The following RPS6KA2 variants were observed in gnomAD, a reference collection of about 807,000 sequenced individuals.
RPS6KA2 encodes ribosomal protein S6 kinase A2.
In RPS6KA2, 42 loss-of-function variants were observed where a neutral mutation model predicts 91.8. That is an observed-to-expected ratio of 0.46 (90% CI 0.36 to 0.59). The LOEUF (loss-of-function observed/expected upper bound fraction) is 0.59, where lower values mean the gene tolerates loss of function less well. Ranked by LOEUF, RPS6KA2 falls within the 20% of genes least tolerant of loss-of-function variation. RPS6KA2 has a pLI of 0.00. For synonymous variants in RPS6KA2, 414 were observed against 393.6 expected, an observed-to-expected ratio of 1.05 and a Z score of -0.61; for missense variants, 798 against 978.5, an observed-to-expected ratio of 0.82 and a Z score of 2.46.
chr6:166,754,896 C>T (rs1000383596), intron 2 of RPS6KA2, among the ~76,000 whole-genome samples: 7 of 152,248 alleles, frequency 4.6e-5, no homozygotes, highest in African/African-American at 1.4e-4. Flanking sequence ...CCTGCCCTGT[C>T]GCTCACTCGT....
At chr6:166,444,342 A>G (rs1173541000) in intron 14 of RPS6KA2, among the ~76,000 whole-genome samples, 2 of 152,164 alleles carry the variant, frequency 1.3e-5, no homozygotes, top group African/African-American at 4.8e-5. Context: ...CCGTCATGCT[A>G]TTTTGAAGCC....
intron 10 of RPS6KA2, among the ~76,000 whole-genome samples, chr6:166,485,626 G>A (rs1280577561): frequency 6.6e-6 from 1 of 152,176 alleles, no homozygotes; most frequent in African/African-American, 2.4e-5. Flanking sequence ...CATTGGCTTA[G>A]CTGAGACACG....
At chr6:166,811,941 G>A (rs1409273555) in intron 2 of RPS6KA2, among the ~76,000 whole-genome samples, 5 of 152,188 alleles carry the variant, frequency 3.3e-5, no homozygotes, top group Non-Finnish European at 7.3e-5. Context: ...TCAGTGCCTC[G>A]TCAAGATGTT....
intron 8 of RPS6KA2, among the ~76,000 whole-genome samples, chr6:166,497,961 G>A (rs570182621): frequency 1.3e-5 from 2 of 151,322 alleles, no homozygotes; most frequent in Admixed American, 6.6e-5. Flanking sequence ...GCCCAGCTGG[G>A]AGAGTGGGAT....
intron 2 of RPS6KA2, among the ~76,000 whole-genome samples, chr6:166,855,046 C>T (rs1369335191): frequency 2.6e-5 from 4 of 152,162 alleles, no homozygotes; most frequent in Admixed American, 6.5e-5. Context: ...TTAGCAGCAA[C>T]GTGGTTGGAA....
At chr6:166,736,693 TGGCCGA>T (rs1349124993) in intron 2 of RPS6KA2, among the ~76,000 whole-genome samples, 1 of 152,180 alleles carries the variant, frequency 6.6e-6, no homozygotes, top group Non-Finnish European at 1.5e-5. Context: ...TCCATGAGGC[TGGCCGA>T]GGGTCGCCAC....
intron 2 of RPS6KA2, among the ~76,000 whole-genome samples, chr6:166,707,098 G>A (rs1419012735): frequency 6.6e-6 from 1 of 152,252 alleles, no homozygotes; most frequent in African/African-American, 2.4e-5. Flanking sequence ...GAGAGTAAAG[G>A]CTGATCAGAG....
Position 166,495,953 on chromosome 6 carries a change from CCCTCGT to C in RPS6KA2, c.747+2549_747+2554del, listed in dbSNP as rs1562533698. On this transcript the variant is annotated intron_variant, in intron 8 of 20. Coordinates refer to ENST00000265678, the MANE Select transcript of RPS6KA2 (RefSeq NM_021135.6). The surrounding 1 kb of genome is among the most constrained non-coding windows in gnomAD (Gnocchi z 4.4). ...TGGTCTCATTTCCTCTTCTTCTGGC[CCCTCGT>C]CGTGTCTCCATCTTTGGATCATTCC... 6.6e-6 allele frequency among the ~76,000 whole-genome samples: 1 copy of C among 152,170 alleles called. No individual in the cohort carries two copies.
At chr6:166,830,573 TC>T (rs1489163092) in intron 2 of RPS6KA2, among the ~76,000 whole-genome samples, 1 of 152,202 alleles carries the variant, frequency 6.6e-6, no homozygotes, top group African/African-American at 2.4e-5. Context: ...AAAACATCTC[TC>T]CCAATACATG....
At chr6:166,428,036 C>T (rs1778988074) in intron 16 of RPS6KA2, among the ~76,000 whole-genome samples, 1 of 151,766 alleles carries the variant, frequency 6.6e-6, no homozygotes, top group Non-Finnish European at 1.5e-5. Context: ...AGGCATCACA[C>T]TACCTGACTT....
At chr6:166,415,317 T>TTAAATGA (rs1778461752) in intron 19 of RPS6KA2, among the ~76,000 whole-genome samples, 1 of 152,228 alleles carries the variant, frequency 6.6e-6, no homozygotes, top group African/African-American at 2.4e-5. Context: ...AATAACTCTT[T>TTAAATGA]TCACGATCTT....
intron 2 of RPS6KA2, among the ~76,000 whole-genome samples, chr6:166,823,365 G>C (rs1283306159): frequency 1.3e-5 from 2 of 152,066 alleles, no homozygotes; most frequent in Non-Finnish European, 2.9e-5. Flanking sequence ...ACTGGTGAAA[G>C]TCAAAGACCT....
At position 166,409,676 on chromosome 6, in the gene RPS6KA2, G is replaced by C. The variant is rs1486337166; in HGVS notation, c.*3086C>G. ...TCCACACCGCTCAGGGACCGGCAGC[G>C]TCCTTCTCCATTCTCGAATTTGCAT... On this transcript the variant is annotated 3_prime_UTR_variant, in exon 21 of 21. Transcript: ENST00000265678. 1.3e-5 allele frequency: 2 copies of C among 152,514 alleles called. No homozygotes were observed. The highest frequency in any genetic ancestry group is 4.8e-5 in the African/African-American group (2 of 41,448). 9.4% of individuals were successfully genotyped at this position (152,514 alleles called of 1,614,324 possible).
chr6:166,853,260 G>A (rs1035012234), intron 2 of RPS6KA2, among the ~76,000 whole-genome samples: 1 of 152,186 alleles, frequency 6.6e-6, no homozygotes, highest in African/African-American at 2.4e-5. Flanking sequence ...GCAATATAGT[G>A]AGACCCTGTG....
chr6:166,483,586 C>A (rs994391061), intron 10 of RPS6KA2, among the ~76,000 whole-genome samples: 2 of 152,228 alleles, frequency 1.3e-5, no homozygotes, highest in Non-Finnish European at 2.9e-5. Flanking sequence ...AAGAGCAGGG[C>A]CTTTTTTTCC....
chr6:166,474,825 C>T (rs564549661), intron 10 of RPS6KA2, among the ~76,000 whole-genome samples: 1 of 152,144 alleles, frequency 6.6e-6, no homozygotes, highest in Admixed American at 6.5e-5. Flanking sequence ...GAAGCATCAC[C>T]CACAACCGCG....
chr6:166,773,059 C>T (rs1364494922), intron 2 of RPS6KA2, among the ~76,000 whole-genome samples: 4 of 152,166 alleles, frequency 2.6e-5, no homozygotes, highest in African/African-American at 9.7e-5. Context: ...GCCTGCTGTG[C>T]GGGCTCCACG....
At position 166,411,421 on chromosome 6, in the gene RPS6KA2, G is replaced by A. The variant is rs1370229027; in HGVS notation, c.*1341C>T. 6.6e-6 allele frequency: 1 copy of A among 152,096 alleles called. No homozygotes were observed. Among genetic ancestry groups the A allele is most frequent in the Non-Finnish European group, 1.5e-5 (1 of 68,030 alleles). 9.4% of individuals were successfully genotyped at this position (152,096 alleles called of 1,614,324 possible). A position where few individuals can be genotyped will look rare whatever the true frequency, so the allele number is the denominator to read the frequency against. ...CATCTAGTCTGCTTGGGGGCCGCCA[G>A]GGAGCATCTTCAACACCCTTACAGG... On this transcript the variant is annotated 3_prime_UTR_variant, in exon 21 of 21. Transcript: ENST00000265678. The surrounding 1 kb of genome is among the most constrained non-coding windows in gnomAD (Gnocchi z 4.5).
chr6:166,702,095 G>A (rs1789540268), intron 2 of RPS6KA2: 1 of 1,441,288 alleles, frequency 6.9e-7, no homozygotes, highest in Admixed American at 1.7e-5. Flanking sequence ...AGAGAGGATA[G>A]TAATCGACTT....
Sources: allele counts gnomAD v4.1 joint callset (sites outside exome capture counted in the v4.1 genomes callset), GRCh38; gene constraint gnomAD v4.1.1; non-coding constraint Gnocchi (gnomAD v3.1); transcripts MANE v1.5; gene names NCBI Gene and HGNC (gene_info 2026-07-23, HGNC 2026-07-21).